ARHGAP24: variants seen among roughly 807,000 people sequenced by gnomAD.
ARHGAP24 encodes rho GTPase-activating protein 24.
In ARHGAP24, 50 loss-of-function variants were observed where a neutral mutation model predicts 76.4. That is an observed-to-expected ratio of 0.65 (90% CI 0.52 to 0.83). The LOEUF (loss-of-function observed/expected upper bound fraction) is 0.83. Ranked by LOEUF, ARHGAP24 falls within the 40% of genes least tolerant of loss-of-function variation. ARHGAP24 has a pLI of 0.00. For synonymous variants in ARHGAP24, 345 were observed against 323.3 expected, an observed-to-expected ratio of 1.07 and a Z score of -0.72; for missense variants, 930 against 914.2, an observed-to-expected ratio of 1.02 and a Z score of -0.22.
chr4:85,487,317 A>C (rs1355262352), intron 1 of ARHGAP24, among the ~76,000 whole-genome samples: 3 of 119,974 alleles, frequency 2.5e-5, no homozygotes, highest in Non-Finnish European at 4.8e-5. Context: ...TATATATAAA[A>C]TATATATTTA....
chr4:85,500,840 A>G (rs182311720), intron 1 of ARHGAP24, among the ~76,000 whole-genome samples: 13 of 152,088 alleles, frequency 8.5e-5, no homozygotes, highest in Admixed American at 7.2e-4. Context: ...TACATTAGGT[A>G]TTTCTCCTAA....
At chr4:85,939,736 A>G (rs1298747806) in intron 4 of ARHGAP24, among the ~76,000 whole-genome samples, 2 of 152,172 alleles carry the variant, frequency 1.3e-5, no homozygotes, top group African/African-American at 2.4e-5. Context: ...TGAGAAAAGA[A>G]TGTTTGACTG....
At chr4:85,704,356 A>T (rs1053836988) in intron 2 of ARHGAP24, among the ~76,000 whole-genome samples, 4 of 152,290 alleles carry the variant, frequency 2.6e-5, no homozygotes, top group Non-Finnish European at 5.9e-5. Flanking sequence ...AAAAATGCTT[A>T]TGAGAATGTG....
intron 2 of ARHGAP24, among the ~76,000 whole-genome samples, chr4:85,619,784 T>C (rs2110002313): frequency 1.3e-5 from 2 of 152,154 alleles, no homozygotes; most frequent in Middle Eastern, 3.4e-3. Context: ...CACTATTGAT[T>C]TTTGTATGTT....
At chr4:85,611,322 C>T (rs1428934763) in intron 2 of ARHGAP24, among the ~76,000 whole-genome samples, 2 of 152,166 alleles carry the variant, frequency 1.3e-5, no homozygotes, top group East Asian at 3.8e-4. Flanking sequence ...AATAAATAGA[C>T]TAACCTAAAG....
intron 3 of ARHGAP24, among the ~76,000 whole-genome samples, chr4:85,839,501 A>G (rs28646131): frequency 0.011 from 1,689 of 152,176 alleles, 31 homozygotes; most frequent in African/African-American, 0.038. Context: ...GCCAGGCTGG[A>G]GGGCAGTGGC....
chr4:85,979,038 G>A (rs997406800), intron 8 of ARHGAP24, among the ~76,000 whole-genome samples: 1 of 152,010 alleles, frequency 6.6e-6, no homozygotes, highest in East Asian at 1.9e-4. Context: ...AGAGTTTCCC[G>A]TAGTCTGGAT....
intron 8 of ARHGAP24, among the ~76,000 whole-genome samples, chr4:85,981,075 T>C (rs1455544355): frequency 4.6e-5 from 7 of 152,192 alleles, no homozygotes; most frequent in Non-Finnish European, 8.8e-5. Flanking sequence ...GAGACGGCTG[T>C]CTGTATAAAG....
rs1736261502 is a variant in ARHGAP24, at chr4:85,930,397, A to G, written c.391+6627A>G. ...TATCATGCACTGAAATGCTTTCTGGAGAAGGTGCCATTATTTTCCTCCCCT... is the reference window on the plus strand; with the variant it reads ...TATCATGCACTGAAATGCTTTCTGGGGAAGGTGCCATTATTTTCCTCCCCT... On this transcript the variant is annotated intron_variant, in intron 4 of 9. Coordinates refer to ENST00000395184, the MANE Select transcript of ARHGAP24 (RefSeq NM_001025616.3). 4 of 986,238 alleles carry G rather than the reference A, an allele frequency of 4.1e-6. No individual in the cohort carries two copies. The South Asian group carries it at 1.9e-4, about 46-fold the overall frequency. The allele number at this position is 986,238 out of a possible 1,614,324, so 61.1% of individuals were successfully genotyped here.
At chr4:85,889,766 C>T (rs1733780074) in intron 3 of ARHGAP24, among the ~76,000 whole-genome samples, 2 of 152,278 alleles carry the variant, frequency 1.3e-5, no homozygotes, top group South Asian at 2.1e-4. Flanking sequence ...AAATAATGCC[C>T]TGCTTCCTGG....
At chr4:85,874,680 G>A (rs1168307073) in intron 3 of ARHGAP24, among the ~76,000 whole-genome samples, 1 of 148,924 alleles carries the variant, frequency 6.7e-6, no homozygotes, top group East Asian at 1.9e-4. Flanking sequence ...ACATGTAGCA[G>A]GAGATATTGT....
At chr4:85,845,774 A>G (rs1730849164) in intron 3 of ARHGAP24, among the ~76,000 whole-genome samples, 1 of 152,348 alleles carries the variant, frequency 6.6e-6, no homozygotes, top group East Asian at 1.9e-4. Context: ...CATAGCTACC[A>G]TTGGTGGGTA....
chr4:85,935,075 G>T (rs182778703), intron 4 of ARHGAP24, among the ~76,000 whole-genome samples: 179 of 152,306 alleles, frequency 1.2e-3, no homozygotes, highest in African/African-American at 4.2e-3. Flanking sequence ...TACAGTGGTG[G>T]TGGACAAGAC....
chr4:85,669,829 C>G (rs1005473660), intron 2 of ARHGAP24, among the ~76,000 whole-genome samples: 2 of 151,360 alleles, frequency 1.3e-5, no homozygotes, highest in African/African-American at 4.9e-5. Flanking sequence ...AGTGAATCTA[C>G]TATAAAGTAC....
intron 3 of ARHGAP24, among the ~76,000 whole-genome samples, chr4:85,775,825 A>G (rs941786980): frequency 2.0e-5 from 3 of 152,144 alleles, no homozygotes; most frequent in African/African-American, 4.8e-5. Flanking sequence ...ATGCAAAGCA[A>G]GAGAATAATG....
intron 2 of ARHGAP24, among the ~76,000 whole-genome samples, chr4:85,582,545 T>G (rs904154041): frequency 6.6e-6 from 1 of 152,088 alleles, no homozygotes; most frequent in African/African-American, 2.4e-5. Flanking sequence ...TTTTAAAACA[T>G]TAGACTGTAG....
chr4:85,670,045 T>C (rs1722772191), intron 2 of ARHGAP24, among the ~76,000 whole-genome samples: 1 of 151,826 alleles, frequency 6.6e-6, no homozygotes, highest in African/African-American at 2.4e-5. Context: ...TTTTATTCAG[T>C]TGGAATGGGG....
At chr4:85,777,829 T>C (rs1203150628) in intron 3 of ARHGAP24, among the ~76,000 whole-genome samples, 1 of 152,178 alleles carries the variant, frequency 6.6e-6, no homozygotes, top group African/African-American at 2.4e-5. Flanking sequence ...AAAATTATTA[T>C]AATAAGCACA....
At chr4:85,577,230 GAA>G (rs201508427) in intron 2 of ARHGAP24, among the ~76,000 whole-genome samples, 44 of 147,190 alleles carry the variant, frequency 3.0e-4, no homozygotes, top group African/African-American at 1.1e-3. Flanking sequence ...TATATCATAG[GAA>G]AAAAAAATAT....
Sources: allele counts gnomAD v4.1 joint callset (sites outside exome capture counted in the v4.1 genomes callset), GRCh38; gene constraint gnomAD v4.1.1; transcripts MANE v1.5; gene names NCBI Gene and HGNC (gene_info 2026-07-23, HGNC 2026-07-21).